The following ROBO2 variants were observed in gnomAD, a reference collection of about 807,000 sequenced individuals.
ROBO2 encodes the protein roundabout homolog 2.
Under a neutral mutation model 160.8 loss-of-function variants are expected in ROBO2, and 53 were observed. The observed-to-expected ratio is 0.33, with a 90% CI of 0.26 to 0.41. The LOEUF (loss-of-function observed/expected upper bound fraction) is 0.41. Among genes scored for constraint, ROBO2 ranks in the 10% least tolerant of loss-of-function variants. ROBO2 has a pLI of 1.00. For missense variants in ROBO2, 1,577 were observed against 1,722.4 expected (o/e 0.92, Z 1.49); for synonymous variants, 664 against 611.7 (o/e 1.09, Z -1.26).
chr3:77,505,557 T>C (rs1306430705), intron 5 of ROBO2, among the ~76,000 whole-genome samples: 1 of 152,092 alleles, frequency 6.6e-6, no homozygotes, highest in Admixed American at 6.6e-5. Context: ...TTAGTAGTAT[T>C]TTTTCTCTGA....
intron 2 of ROBO2, among the ~76,000 whole-genome samples, chr3:77,404,433 G>A (rs1302747459): frequency 1.3e-5 from 2 of 152,116 alleles, no homozygotes; most frequent in Non-Finnish European, 2.9e-5. Context: ...ATTAAACTTA[G>A]TAATCAGTCT....
chr3:77,233,793 G>GGTTTCC (rs2087555754), intron 2 of ROBO2, among the ~76,000 whole-genome samples: 1 of 151,962 alleles, frequency 6.6e-6, no homozygotes, highest in Non-Finnish European at 1.5e-5. Context: ...CCTTATATCT[G>GGTTTCC]GTTTTCGCTC....
chr3:76,244,108 G>A (rs1333618067), intron 2 of ROBO2, among the ~76,000 whole-genome samples: 2 of 152,116 alleles, frequency 1.3e-5, no homozygotes, highest in Non-Finnish European at 2.9e-5. Context: ...AACAACCTAA[G>A]AAATGGATTA....
At chr3:76,323,506 A>G (rs190077728) in intron 2 of ROBO2, among the ~76,000 whole-genome samples, 51 of 152,212 alleles carry the variant, frequency 3.4e-4, no homozygotes, top group African/African-American at 1.2e-3. Flanking sequence ...AAATGAGTCT[A>G]TGATTAAGAG....
chr3:77,323,064 T>TATGGATAATATAATATAATATATC (rs2064976637), intron 2 of ROBO2, among the ~76,000 whole-genome samples: 8 of 107,792 alleles, frequency 7.4e-5, no homozygotes, highest in Admixed American at 1.2e-4. Flanking sequence ...TATATTATAT[T>TATGGATAATATAATATAATATATC]ATATTATGGA....
At chr3:76,291,876 G>A (rs1708819896) in intron 2 of ROBO2, among the ~76,000 whole-genome samples, 1 of 151,850 alleles carries the variant, frequency 6.6e-6, no homozygotes, top group Non-Finnish European at 1.5e-5. Context: ...TGTTGTCCAA[G>A]GGTGTAGTTG....
At chr3:77,130,659 A>C (rs538602404) in intron 2 of ROBO2, among the ~76,000 whole-genome samples, 1 of 152,216 alleles carries the variant, frequency 6.6e-6, no homozygotes, top group African/African-American at 2.4e-5. Context: ...TCAAGTACAT[A>C]CATTATTATT....
intron 2 of ROBO2, among the ~76,000 whole-genome samples, chr3:77,130,029 C>T (rs2150344427): frequency 6.6e-6 from 1 of 152,174 alleles, no homozygotes; most frequent in Middle Eastern, 3.4e-3. Context: ...TTTATTATTG[C>T]TCAGATCTTG....
At chr3:76,557,992 G>A (rs148996136) in intron 2 of ROBO2, among the ~76,000 whole-genome samples, 62 of 135,242 alleles carry the variant, frequency 4.6e-4, no homozygotes, top group African/African-American at 1.5e-3. Context: ...CAACTATTTT[G>A]AACTAATTTC....
At chr3:77,646,775 T>C (rs2153725902) in exon 26 of ROBO2, 1 of 152,458 alleles carries the variant, frequency 6.6e-6, no homozygotes, top group Non-Finnish European at 1.5e-5. Context: ...GTAGTTTAAG[T>C]CTTAAGACTG....
intron 2 of ROBO2, among the ~76,000 whole-genome samples, chr3:76,816,524 T>C (rs1178199383): frequency 6.6e-6 from 1 of 152,038 alleles, no homozygotes; most frequent in African/African-American, 2.4e-5. Context: ...ACATATGAGA[T>C]AGTTATGATA....
intron 24 of ROBO2, among the ~76,000 whole-genome samples, chr3:77,637,834 T>C (rs1290089092): frequency 6.6e-6 from 1 of 152,214 alleles, no homozygotes; most frequent in Non-Finnish European, 1.5e-5. Context: ...ACACTTTTAT[T>C]GCAAGCTTTT....
At chr3:76,018,800 C>T (rs2066478117) in intron 2 of ROBO2, among the ~76,000 whole-genome samples, 2 of 151,110 alleles carry the variant, frequency 1.3e-5, no homozygotes, top group African/African-American at 2.4e-5. Context: ...GCATTGTGGC[C>T]TCCCAACATG....
At chr3:76,740,242 C>T (rs918210066) in intron 2 of ROBO2, among the ~76,000 whole-genome samples, 4 of 152,074 alleles carry the variant, frequency 2.6e-5, no homozygotes, top group Admixed American at 1.3e-4. Flanking sequence ...GTGAAAACCT[C>T]GAATGGTAAC....
rs188921821 is a variant in ROBO2, at chr3:77,608,333, C to T, written c.3293+379C>T. Among the ~76,000 whole-genome samples, 6 of 152,266 alleles carry T rather than the reference C, an allele frequency of 3.9e-5. No individual in the cohort carries two copies. The East Asian group carries it at 1.2e-3, about 29-fold the overall frequency. On this transcript the variant is annotated intron_variant, in intron 21 of 25. Coordinates refer to ENST00000461745, the Ensembl canonical transcript of ROBO2. ...CTTCTTCATCATCCCTTGCAGTTCT[C>T]TAATGACTTGATGTCTGGCCATAGC... is the stretch of plus-strand genomic sequence containing the variant.
chr3:76,692,371 G>C (rs796393164), intron 2 of ROBO2, among the ~76,000 whole-genome samples: 1 of 152,098 alleles, frequency 6.6e-6, no homozygotes, highest in South Asian at 2.1e-4. Context: ...CCCCAGTGCT[G>C]GTTACAGGCC....
At chr3:77,571,227 C>T (rs1005797910) in intron 13 of ROBO2, among the ~76,000 whole-genome samples, 3 of 151,940 alleles carry the variant, frequency 2.0e-5, no homozygotes, top group Non-Finnish European at 4.4e-5. Flanking sequence ...CTAAACCCAT[C>T]AAAGAAAATT....
intron 2 of ROBO2, among the ~76,000 whole-genome samples, chr3:76,695,423 T>C (rs2092907115): frequency 6.6e-6 from 1 of 152,212 alleles, no homozygotes; most frequent in Non-Finnish European, 1.5e-5. Context: ...GCTTGTTTTT[T>C]TTTAAGTTGA....
At chr3:77,238,677 A>T (rs2088466297) in intron 2 of ROBO2, among the ~76,000 whole-genome samples, 1 of 152,176 alleles carries the variant, frequency 6.6e-6, no homozygotes, top group Non-Finnish European at 1.5e-5. Flanking sequence ...AGTAGGCTAA[A>T]GCTACTTTCC....
Sources: gnomAD v4.1 joint callset for allele counts (sites outside exome capture counted in the v4.1 genomes callset) on GRCh38, gnomAD v4.1.1 for gene constraint, MANE v1.5 for transcripts, NCBI Gene and HGNC (gene_info 2026-07-23, HGNC 2026-07-21) for gene names.